EDN1: variants seen among roughly 807,000 people sequenced by gnomAD.
EDN1 encodes endothelin 1.
EDN1 carries 11 observed loss-of-function variants against 21.7 expected under a neutral mutation model. The observed-to-expected ratio is 0.51, with a 90% CI of 0.32 to 0.84. EDN1 has a LOEUF of 0.84. Among genes scored for constraint, EDN1 ranks in the 40% least tolerant of loss-of-function variants. The pLI is 0.03. For synonymous variants in EDN1, 85 were observed against 90.6 expected (o/e 0.94, Z 0.35); for missense variants, 244 against 262.3 (o/e 0.93, Z 0.48).
At chr6:12,249,922 T>C in the EDN1 span, among the ~76,000 whole-genome samples, 3 of 152,028 alleles carry the variant, frequency 2.0e-5, no homozygotes, top group Non-Finnish European at 4.4e-5. Context: ...CGCTCACCTG[T>C]GAGTGAAACA....
intron 2 of EDN1, 32 bp from the exon 3 acceptor site, chr6:12,293,909 T>C: frequency 6.2e-7 from 1 of 1,612,678 alleles, no homozygotes; most frequent in Non-Finnish European, 8.5e-7. Context: ...TTAATTACAC[T>C]AATATAGTTT....
intron 4 of EDN1, among the ~76,000 whole-genome samples, 153 bp from the exon 5 acceptor site, chr6:12,295,809 A>C (rs950541956): frequency 2.6e-5 from 4 of 152,182 alleles, no homozygotes; most frequent in Admixed American, 6.5e-5. Context: ...AATAGATATC[A>C]CTTGAGGTTT....
the EDN1 span, among the ~76,000 whole-genome samples, chr6:12,258,599 A>C: frequency 6.6e-6 from 1 of 152,226 alleles, no homozygotes; most frequent in African/African-American, 2.4e-5. Flanking sequence ...CCAAAGCGTG[A>C]TTCTGAAAGT....
chr6:12,244,495 T>C, the EDN1 span, among the ~76,000 whole-genome samples: 1 of 152,252 alleles, frequency 6.6e-6, no homozygotes, highest in Non-Finnish European at 1.5e-5. Context: ...CAGCAACGAA[T>C]AATGTTTGTT....
At chr6:12,238,324 A>G in the EDN1 span, among the ~76,000 whole-genome samples, 3 of 152,176 alleles carry the variant, frequency 2.0e-5, no homozygotes, top group Non-Finnish European at 2.9e-5. Flanking sequence ...TTGTGCCATG[A>G]TAAGGCCAGT....
chr6:12,276,818 G>A, the EDN1 span, among the ~76,000 whole-genome samples: 7 of 152,256 alleles, frequency 4.6e-5, no homozygotes, highest in South Asian at 6.2e-4. Context: ...CCATTTTGAA[G>A]AGTTCAGATT....
At chr6:12,234,101 T>G in the EDN1 span, among the ~76,000 whole-genome samples, 1 of 152,246 alleles carries the variant, frequency 6.6e-6, no homozygotes, top group Non-Finnish European at 1.5e-5. Flanking sequence ...TTGGCTCTTG[T>G]TAACAATGTT....
chr6:12,292,577 A>G, intron 2 of EDN1, 68 bp downstream of exon 2: 1 of 1,589,866 alleles, frequency 6.3e-7, no homozygotes, highest in Non-Finnish European at 8.6e-7. Context: ...GCCCAGTTTT[A>G]GAGTTTCTTT....
the EDN1 span, among the ~76,000 whole-genome samples, chr6:12,259,711 C>T: frequency 6.6e-6 from 1 of 151,958 alleles, no homozygotes; most frequent in Non-Finnish European, 1.5e-5. Flanking sequence ...AAAGATAGCT[C>T]TCAAACAAAA....
chr6:12,292,073 A>AT (rs1762695177), intron 1 of EDN1, among the ~76,000 whole-genome samples: 1 of 152,124 alleles, frequency 6.6e-6, no homozygotes, highest in African/African-American at 2.4e-5. Context: ...GGGGTGGGGG[A>AT]AGTCCCTTTT....
the EDN1 span, among the ~76,000 whole-genome samples, chr6:12,266,747 GCA>G: frequency 1.3e-4 from 20 of 152,288 alleles, no homozygotes; most frequent in East Asian, 2.5e-3. Context: ...TTTCAGGCCT[GCA>G]GAAAGTTTGT....
chr6:12,277,204 C>G, the EDN1 span, among the ~76,000 whole-genome samples: 1 of 152,052 alleles, frequency 6.6e-6, no homozygotes, highest in Non-Finnish European at 1.5e-5. Flanking sequence ...GTTGTTTGAG[C>G]AATCCAATGA....
At chr6:12,271,793 G>GA in the EDN1 span, among the ~76,000 whole-genome samples, 3 of 152,080 alleles carry the variant, frequency 2.0e-5, no homozygotes, top group Admixed American at 2.0e-4. Context: ...GCTTGTCTGA[G>GA]AAAAAATGTA....
At chr6:12,270,616 C>A in the EDN1 span, among the ~76,000 whole-genome samples, 151,654 of 152,316 alleles carry the variant, frequency 1, 75,502 homozygotes, top group East Asian at 1. Flanking sequence ...TTCTAATTTT[C>A]TTCCACTGTG....
Position 12,290,416 on chromosome 6 carries a change from A to G in EDN1, c.-214A>G. On this transcript the variant is annotated 5_prime_UTR_variant, in exon 1 of 5. Coordinates refer to ENST00000379375, the MANE Select transcript of EDN1 (RefSeq NM_001955.5). ...CGGGTCCTGCGCCTCCTGCAGTCCC[A>G]GCTCTCCACCGCCGCGTGCGCCTGC... 5.1e-6 allele frequency: 3 copies of G among 587,866 alleles called. No individual in the cohort carries two copies. The highest frequency in any genetic ancestry group is 5.8e-5 in the East Asian group (2 of 34,290). 36.4% of individuals were successfully genotyped at this position (587,866 alleles called of 1,614,324 possible). A position where few individuals can be genotyped will look rare whatever the true frequency, so the allele number is the denominator to read the frequency against.
chr6:12,231,737 G>A, the EDN1 span, among the ~76,000 whole-genome samples: 4 of 139,960 alleles, frequency 2.9e-5, no homozygotes, highest in African/African-American at 5.0e-5. Flanking sequence ...ATTCTTGTCT[G>A]ATTTTTTTTT....
At chr6:12,281,410 A>T in the EDN1 span, among the ~76,000 whole-genome samples, 4 of 150,998 alleles carry the variant, frequency 2.6e-5, no homozygotes, top group South Asian at 6.4e-4. Context: ...TTTCCAATTG[A>T]TATGACTGTC....
the EDN1 span, among the ~76,000 whole-genome samples, chr6:12,268,612 A>G: frequency 9.8e-5 from 15 of 152,296 alleles, no homozygotes; most frequent in African/African-American, 3.6e-4. Context: ...TTTGTCAAAA[A>G]TTAGTTGGCT....
chr6:12,234,052 C>G, the EDN1 span, among the ~76,000 whole-genome samples: 1 of 152,182 alleles, frequency 6.6e-6, no homozygotes, highest in Admixed American at 6.5e-5. Context: ...GTCAGAGAGG[C>G]CAGGAGCCCA....
Sources: gnomAD v4.1 joint callset for allele counts (sites outside exome capture counted in the v4.1 genomes callset) on GRCh38, gnomAD v4.1.1 for gene constraint, MANE v1.5 for transcripts, NCBI Gene and HGNC (gene_info 2026-07-23, HGNC 2026-07-21) for gene names.